TTL: variants seen among roughly 807,000 people sequenced by gnomAD.
TTL encodes the protein tubulin tyrosine ligase, also known as tubulin--tyrosine ligase.
In TTL, 10 loss-of-function variants were observed where a neutral mutation model predicts 41.1. The observed-to-expected ratio is 0.24, with a 90% CI of 0.15 to 0.41. TTL has a LOEUF of 0.41. Ranked by LOEUF, TTL falls within the 10% of genes least tolerant of loss-of-function variation. TTL has a pLI of 1.00. For missense variants in TTL, 367 were observed against 460.4 expected (o/e 0.80, Z 1.86); for synonymous variants, 175 against 175.5 (o/e 1.00, Z 0.02).
chr2:112,496,793 G>A (rs560317687), intron 3 of TTL, among the ~76,000 whole-genome samples: 5 of 145,438 alleles, frequency 3.4e-5, no homozygotes, highest in East Asian at 4.1e-4. Flanking sequence ...CTACAGCCTC[G>A]ACTTCCTGGG....
In TTL at chr2:112,535,455, A is replaced by G. The variant is rs935707566; in HGVS notation, c.*6660A>G. 1 of 152,202 alleles carries G rather than the reference A, an allele frequency of 6.6e-6. No individual in the cohort carries two copies. Among genetic ancestry groups the G allele is most frequent in the Admixed American group, 6.5e-5 (1 of 15,288 alleles). 9.4% of individuals were successfully genotyped at this position (152,202 alleles called of 1,614,324 possible). A position where few individuals can be genotyped will look rare whatever the true frequency, so the allele number is the denominator to read the frequency against. ...GAAAAACATTAAAGTGAATCCAAGA[A>G]GCTCAACAAATTCTAAGCAGGAAAG... On this transcript the variant is annotated 3_prime_UTR_variant, in exon 7 of 7. Coordinates refer to ENST00000233336, the MANE Select transcript of TTL (RefSeq NM_153712.5).
chr2:112,525,091 A>G (rs1307852996), intron 6 of TTL, among the ~76,000 whole-genome samples: 2 of 152,160 alleles, frequency 1.3e-5, no homozygotes, highest in Non-Finnish European at 2.9e-5. Context: ...GTCAAACATC[A>G]GGTGGTTGTA....
In TTL at chr2:112,503,385, GTA is replaced by G. The variant is rs1291593950; in HGVS notation, c.875+206_875+207del. 4.6e-4 allele frequency among the ~76,000 whole-genome samples: 64 copies of G among 138,172 alleles called. 1 individual carries two copies. Among genetic ancestry groups the G allele is most frequent in the African/African-American group, 1.3e-3 (45 of 35,650 alleles). The allele number at this position is 138,172 out of a possible 152,430, so 90.6% of individuals were successfully genotyped here. The stretch of plus-strand genomic sequence containing the variant: ...TCTGATAATGGTTATATGTGTGTGT[GTA>G]TGTGTGTGTGTGTGTGTATATATAT... On this transcript the variant is annotated intron_variant, in intron 5 of 6. Coordinates refer to ENST00000233336, the MANE Select transcript of TTL (RefSeq NM_153712.5).
Position 112,494,239 on chromosome 2 carries a change from A to G in TTL, c.333A>G (p.Pro111=). 1 of 1,614,220 alleles carries G rather than the reference A, an allele frequency of 6.2e-7. No homozygotes were observed. The highest frequency in any genetic ancestry group is 8.5e-7 in the Non-Finnish European group (1 of 1,180,034). Residue 111 remains proline, a synonymous_variant, in exon 3 of 7, where the codon CCA becomes CCG. Transcript: ENST00000233336. The part of the protein sequence containing the change: ...YPTNLKTPVA[P]AQNGIQPPIS... ...CCAATCTCAAGACTCCAGTTGCTCC[A>G]GCACAGAATGGAATTCAGCCACCAA...
At chr2:112,487,268 T>C (rs1223950996) in intron 2 of TTL, among the ~76,000 whole-genome samples, 1 of 152,182 alleles carries the variant, frequency 6.6e-6, no homozygotes, top group Non-Finnish European at 1.5e-5. Context: ...ATGTACCCAC[T>C]CCTCTCTGTG....
intron 2 of TTL, 39 bp downstream of exon 2, chr2:112,486,034 A>T (rs75556792): frequency 7.0e-5 from 111 of 1,596,536 alleles, no homozygotes; most frequent in Non-Finnish European, 9.3e-5. Flanking sequence ...TTTTACCTAA[A>T]TGAAGCACTT....
chr2:112,528,109 A>C (rs928318668), intron 6 of TTL, among the ~76,000 whole-genome samples: 3 of 152,150 alleles, frequency 2.0e-5, no homozygotes, highest in Non-Finnish European at 2.9e-5. Flanking sequence ...TGGGTTGAAA[A>C]TTCTTTTCTT....
chr2:112,523,108 C>G (rs1682285023), intron 6 of TTL, among the ~76,000 whole-genome samples: 1 of 152,308 alleles, frequency 6.6e-6, no homozygotes, highest in African/African-American at 2.4e-5. Flanking sequence ...CTTGATTGCT[C>G]TTATCTGCAG....
At chr2:112,527,791 T>G (rs1346330722) in intron 6 of TTL, among the ~76,000 whole-genome samples, 2 of 152,224 alleles carry the variant, frequency 1.3e-5, no homozygotes, top group African/African-American at 4.8e-5. Context: ...GTCTTTTAAT[T>G]GGAGCATTTA....
intron 6 of TTL, among the ~76,000 whole-genome samples, chr2:112,524,817 T>G (rs760076875): frequency 1.9e-4 from 29 of 152,268 alleles, no homozygotes; most frequent in Admixed American, 4.6e-4. Context: ...TGTCAATTTT[T>G]GCTTTTGTTG....
chr2:112,498,278 G>A (rs191172337), intron 3 of TTL, among the ~76,000 whole-genome samples: 20 of 152,104 alleles, frequency 1.3e-4, no homozygotes, highest in Admixed American at 2.0e-4. Context: ...AGCTGAGATC[G>A]CACCATTGCA....
In TTL at chr2:112,500,041, C is replaced by T. The variant is rs533798686; in HGVS notation, c.470-1165C>T. On this transcript the variant is annotated intron_variant, in intron 3 of 6. Coordinates refer to ENST00000233336, the MANE Select transcript of TTL (RefSeq NM_153712.5). ...GACTTCAGCCATAGAAAGGAGTGAA[C>T]ATGATACTAATACACACTACAATGG... Among the ~76,000 whole-genome samples the T allele has an allele frequency of 4.3e-4, 65 of 152,246 alleles. No individual in the cohort carries two copies. The South Asian group carries it at 0.012, about 29-fold the overall frequency.
At chr2:112,512,291 C>T (rs571781773) in intron 5 of TTL, among the ~76,000 whole-genome samples, 2 of 149,772 alleles carry the variant, frequency 1.3e-5, no homozygotes, top group Non-Finnish European at 3.0e-5. Context: ...GAGACAGTGT[C>T]TCACTCTGTC....
rs937399322 is a variant in TTL at position 112,537,855 on chromosome 2, A to C, written c.*9060A>C. 6.6e-6 allele frequency: 1 copy of C among 152,228 alleles called. No individual in the cohort carries two copies. Among genetic ancestry groups the C allele is most frequent in the African/African-American group, 2.4e-5 (1 of 41,452 alleles). 9.4% of individuals were successfully genotyped at this position (152,228 alleles called of 1,614,324 possible). A position where few individuals can be genotyped will look rare whatever the true frequency, so the allele number is the denominator to read the frequency against. ...GATCAACAAGAAAATAGAAAACACT[A>C]TAAACCAACTAGACTTGACAAATAT... On this transcript the variant is annotated 3_prime_UTR_variant, in exon 7 of 7. Coordinates refer to ENST00000233336, the MANE Select transcript of TTL (RefSeq NM_153712.5).
chr2:112,491,301 T>C (rs1681379176), intron 2 of TTL, among the ~76,000 whole-genome samples: 1 of 152,240 alleles, frequency 6.6e-6, no homozygotes, highest in Non-Finnish European at 1.5e-5. Flanking sequence ...GAGTTTGATA[T>C]TTTTTAAGCT....
chr2:112,503,658 CTTTT>C (rs1202499627), intron 5 of TTL, among the ~76,000 whole-genome samples: 1 of 105,162 alleles, frequency 9.5e-6, no homozygotes, highest in Non-Finnish European at 1.9e-5. Context: ...GTCTTGAACT[CTTTT>C]TTTTTTTTTT....
In TTL at chr2:112,535,055, GAGAA is replaced by G. The variant is rs1367800350; in HGVS notation, c.*6266_*6269del. On this transcript the variant is annotated 3_prime_UTR_variant, in exon 7 of 7. Transcript: ENST00000233336. ...AGGGAGGGAAGAAAAGAGAAAGATT[GAGAA>G]AGAAAAAAGAGAAAGAAGAAAGAAA... 1.3e-5 allele frequency: 2 copies of G among 150,794 alleles called. No homozygotes were observed. The highest frequency in any genetic ancestry group is 6.6e-5 in the Admixed American group (1 of 15,124). The allele number at this position is 150,794 out of a possible 1,614,324, so 9.3% of individuals were successfully genotyped here. A position where few individuals can be genotyped will look rare whatever the true frequency, so the allele number is the denominator to read the frequency against.
In TTL at chr2:112,488,150, C is replaced by T. The variant is rs193289229; in HGVS notation, c.236+2155C>T. ...AGTTTCGGAAATTTCACTGAGGCCT[C>T]AAGGCCATAGTCTTAGAACCCTGAG... is the stretch of plus-strand genomic sequence containing the variant. On this transcript the variant is annotated intron_variant, in intron 2 of 6. Transcript: ENST00000233336. Among the ~76,000 whole-genome samples, 94 of 152,332 alleles carry T rather than the reference C, an allele frequency of 6.2e-4. 1 individual carries two copies. The East Asian group carries it at 0.017, about 27-fold the overall frequency.
Position 112,529,146 on chromosome 2 carries a change from G to A in TTL, c.*351G>A. The A allele has an allele frequency of 2.6e-6, 1 of 388,868 alleles. No homozygotes were observed. The highest frequency in any genetic ancestry group is 4.8e-6 in the Non-Finnish European group (1 of 208,120). 24.1% of individuals were successfully genotyped at this position (388,868 alleles called of 1,614,324 possible). Reference sequence around the variant, plus strand: ...TGCAGCCCTAGTGCCTTAGCTCCATGCCCGGCTGCAGCCCCACTGCTCTGG... The same window carrying A: ...TGCAGCCCTAGTGCCTTAGCTCCATACCCGGCTGCAGCCCCACTGCTCTGG... On this transcript the variant is annotated 3_prime_UTR_variant, in exon 7 of 7. Transcript: ENST00000233336.
Sources: gnomAD v4.1 joint callset for allele counts (sites outside exome capture counted in the v4.1 genomes callset) on GRCh38, gnomAD v4.1.1 for gene constraint, MANE v1.5 for transcripts, NCBI Gene and HGNC (gene_info 2026-07-23, HGNC 2026-07-21) for gene names.